The following NMRK2 variants were observed in gnomAD, a reference collection of about 807,000 sequenced individuals.
The protein encoded by NMRK2 is NRK 2.
NMRK2 carries 34 observed loss-of-function variants against 24.7 expected under a neutral mutation model. The ratio of observed to expected loss-of-function variants is 1.37; its 90% CI spans 1.05 to 1.83. The LOEUF is 1.83. Among genes scored for constraint, NMRK2 ranks in the 40% most tolerant of loss-of-function variants. The pLI, the probability that NMRK2 is intolerant of heterozygous loss-of-function variation, is 0.00. For synonymous variants in NMRK2, 145 were observed against 125.6 expected (o/e 1.15, Z -1.03); for missense variants, 341 against 315.0 (o/e 1.08, Z -0.62).
intron 2 of NMRK2, 37 bp from the exon 3 acceptor site, chr19:3,936,538 G>A (rs949017166): frequency 6.7e-7 from 1 of 1,482,194 alleles, no homozygotes; most frequent in Non-Finnish European, 9.0e-7. Context: ...TTCTTGGGGG[G>A]AGCCCAGGCA....
In NMRK2 at chr19:3,938,604, G is replaced by A; in HGVS notation, c.168G>A (p.Val56=). The A allele has an allele frequency of 1.3e-6, 2 of 1,580,200 alleles. No homozygotes were observed. Among genetic ancestry groups the A allele is most frequent in the Non-Finnish European group, 1.7e-6 (2 of 1,160,162 alleles). Residue 56 remains valine, a splice_region_variant and synonymous_variant, in exon 5 of 8, where the codon GTG becomes GTA. Transcript: ENST00000168977. ...VGEDGFKQWD[V]LESLDMEAML... is the part of the protein sequence containing the mutation. ...CAATGCCTGCTCCCCTTTCCCCAGT[G>A]CTGGAGTCTCTGGACATGGAGGCCA...
In NMRK2 at chr19:3,933,650, C is replaced by T. The variant is rs1366739877; in HGVS notation, c.-22C>T. ...TACCCGGGCTGCCTTGGAAGTCGTC[C>T]CCGCCGCCCCTCCGCACCGGCATGA... On this transcript the variant is annotated 5_prime_UTR_variant, in exon 2 of 8. Coordinates refer to ENST00000168977, the MANE Select transcript of NMRK2 (RefSeq NM_170678.3). The T allele has an allele frequency of 1.3e-6, 2 of 1,517,000 alleles. No individual in the cohort carries two copies. The highest frequency in any genetic ancestry group is 8.8e-7 in the Non-Finnish European group (1 of 1,134,092). The allele number at this position is 1,517,000 out of a possible 1,614,324, so 94.0% of individuals were successfully genotyped here. A position where few individuals can be genotyped will look rare whatever the true frequency, so the allele number is the denominator to read the frequency against.
At position 3,942,224 on chromosome 19, in the gene NMRK2, G is replaced by T. The variant is rs150621748; in HGVS notation, c.644G>T (p.Cys215Phe). 3.6e-5 allele frequency: 58 copies of T among 1,612,708 alleles called. No individual in the cohort carries two copies. The highest frequency in any genetic ancestry group is 3.3e-4 in the Middle Eastern group (2 of 6,050). The stretch of plus-strand genomic sequence containing the variant: ...AGGACACAGGGACCCGGACGCGGAT[G>T]CGGCCACAGAACGGCCAGGCCTGCA... ...PARTQGPGRGCGHRTARPAAS... is the reference protein window; with the variant it reads ...PARTQGPGRGFGHRTARPAAS... Residue 215 changes from cysteine to phenylalanine, a missense_variant, in exon 8 of 8, where the codon TGC becomes TTC. Transcript: ENST00000168977.
chr19:3,934,225 C>A (rs147657431), intron 2 of NMRK2, among the ~76,000 whole-genome samples: 1,724 of 151,962 alleles, frequency 0.011, 30 homozygotes, highest in African/African-American at 0.039. Flanking sequence ...CCAGCCTGGG[C>A]GACAGAGTGA....
At chr19:3,934,591 C>G (rs983908056) in intron 2 of NMRK2, among the ~76,000 whole-genome samples, 7 of 148,512 alleles carry the variant, frequency 4.7e-5, no homozygotes, top group African/African-American at 7.5e-5. Context: ...TTGTTGCCGT[C>G]GTAGTTTGAG....
chr19:3,933,694 G>A lies in NMRK2; in HGVS notation c.23G>A (p.Gly8Glu), dbSNP rs1432105160. Residue 8 changes from glycine to glutamate, a missense_variant, in exon 2 of 8, where the codon GGA (glycine) becomes GAA (glutamate). Transcript: ENST00000168977. MKLIVGI[G>E]GMTNGGKTTL... Reference sequence around the variant, plus strand: ...GGCATGAAGCTCATCGTGGGCATCGGAGGGTGAGCGCCGGGGGACCTGGTG... The same window carrying A: ...GGCATGAAGCTCATCGTGGGCATCGAAGGGTGAGCGCCGGGGGACCTGGTG... 8 of 1,462,660 alleles carry A rather than the reference G, an allele frequency of 5.5e-6. No homozygotes were observed. Among genetic ancestry groups the A allele is most frequent in the Admixed American group, 2.5e-5 (1 of 39,732 alleles). The allele number at this position is 1,462,660 out of a possible 1,614,324, so 90.6% of individuals were successfully genotyped here.
Position 3,941,186 on chromosome 19 carries a change from C to T in NMRK2, c.502+9C>T, listed in dbSNP as rs752685316. ...CAACGGTGTGGAAGTGGGTAAGCCC[C>T]TGAGCATGACCAGGCCTTGCCCCGG... On this transcript the variant is annotated intron_variant, in intron 7 of 7. Coordinates refer to ENST00000168977, the MANE Select transcript of NMRK2 (RefSeq NM_170678.3). The T allele has an allele frequency of 5.7e-6, 8 of 1,415,010 alleles. No homozygotes were observed. Among genetic ancestry groups the T allele is most frequent in the Non-Finnish European group, 6.8e-6 (7 of 1,027,124 alleles). The allele number at this position is 1,415,010 out of a possible 1,614,324, so 87.7% of individuals were successfully genotyped here. A position where few individuals can be genotyped will look rare whatever the true frequency, so the allele number is the denominator to read the frequency against.
intron 5 of NMRK2, 65 bp downstream of exon 5, chr19:3,938,824 TTTTTTTTTTTTTTTTTTTTGTTTTG>T: frequency 1.3e-5 from 5 of 378,856 alleles, no homozygotes; most frequent in African/African-American, 5.5e-5. Flanking sequence ...CATCTCTTGT[TTTTTTTTTTTTTTTTTTTTGTTTTG>T]TTTTTTTTTT....
At chr19:3,934,286 C>T (rs1487084146) in intron 2 of NMRK2, among the ~76,000 whole-genome samples, 1 of 152,112 alleles carries the variant, frequency 6.6e-6, no homozygotes, top group Non-Finnish European at 1.5e-5. Context: ...AACTAAAGCT[C>T]CAGTGAACCC....
chr19:3,941,930 C>T (rs1009414929), intron 7 of NMRK2, among the ~76,000 whole-genome samples, 153 bp from the exon 8 acceptor site: 10 of 152,092 alleles, frequency 6.6e-5, no homozygotes, highest in Non-Finnish European at 1.2e-4. Flanking sequence ...TGTGAGCCAC[C>T]GCGCCCGGCC....
At position 3,936,681 on chromosome 19, in the gene NMRK2, C is replaced by A; in HGVS notation, c.117+16C>A. On this transcript the variant is annotated intron_variant, in intron 3 of 7. Coordinates refer to ENST00000168977, the MANE Select transcript of NMRK2 (RefSeq NM_170678.3). The stretch of plus-strand genomic sequence containing the variant: ...CTTCTTCAAGGTGCCCGCCCTTGCC[C>A]GGGGAGGTGGAGCTGAGAGGGGATG... 6.5e-7 allele frequency: 1 copy of A among 1,545,282 alleles called. No individual in the cohort carries two copies. Among genetic ancestry groups the A allele is most frequent in the South Asian group, 1.2e-5 (1 of 83,218 alleles).
At chr19:3,936,539 A>C in intron 2 of NMRK2, 36 bp from the exon 3 acceptor site, 2 of 1,472,310 alleles carry the variant, frequency 1.4e-6, no homozygotes, top group Admixed American at 2.2e-5. Flanking sequence ...TCTTGGGGGG[A>C]GCCCAGGCAG....
chr19:3,939,979 TG>T lies in NMRK2; in HGVS notation c.395+10del. On this transcript the variant is annotated intron_variant, in intron 6 of 7. Transcript: ENST00000168977. ...GTGCAAGTGGAGGAGAAGGTGCACT[TG>T]GTGTCTGGGGGTGCGGTGGGCTCCT... 15 of 1,610,210 alleles carry T rather than the reference TG, an allele frequency of 9.3e-6. No individual in the cohort carries two copies. The highest frequency in any genetic ancestry group is 1.3e-5 in the Non-Finnish European group (15 of 1,176,894).
At chr19:3,934,544 G>C (rs1051010792) in intron 2 of NMRK2, among the ~76,000 whole-genome samples, 2 of 95,918 alleles carry the variant, frequency 2.1e-5, no homozygotes, top group African/African-American at 7.4e-5. Context: ...CATATTTTTT[G>C]TTTTTTGGGG....
At position 3,941,288 on chromosome 19, in the gene NMRK2, C is replaced by T. The variant is rs191710653; in HGVS notation, c.502+111C>T. The T allele has an allele frequency of 3.1e-3, 1,876 of 609,248 alleles. 36 individuals are homozygous for T. In the African/African-American group the frequency reaches 0.033, roughly 11 times the overall value. 37.7% of individuals were successfully genotyped at this position (609,248 alleles called of 1,614,324 possible). A position where few individuals can be genotyped will look rare whatever the true frequency, so the allele number is the denominator to read the frequency against. On this transcript the variant is annotated intron_variant, in intron 7 of 7. Transcript: ENST00000168977. ...TTTTCAAGACAGAGTCTCACTCTGT[C>T]ACCCAGGCTGGAGTACAGTGGCACG...
Position 3,940,734 on chromosome 19 carries a change from CA to C in NMRK2, c.396-318del, listed in dbSNP as rs752138779. On this transcript the variant is annotated intron_variant, in intron 6 of 7. Transcript: ENST00000168977. Reference sequence around the variant, plus strand: ...TGGGCAACAGAGCGAGATTCCATCTCAAAAAAAAAAAAAAAAAAAGAGAAAA... The same window carrying C: ...TGGGCAACAGAGCGAGATTCCATCTCAAAAAAAAAAAAAAAAAAGAGAAAA... Among the ~76,000 whole-genome samples the C allele has an allele frequency of 9.1e-3, 676 of 74,360 alleles. 1 individual carries two copies. Among genetic ancestry groups the C allele is most frequent in the African/African-American group, 0.027 (562 of 20,900 alleles). 48.8% of individuals were successfully genotyped at this position (74,360 alleles called of 152,430 possible). A position where few individuals can be genotyped will look rare whatever the true frequency, so the allele number is the denominator to read the frequency against.
intron 2 of NMRK2, among the ~76,000 whole-genome samples, chr19:3,934,295 C>T (rs2039173300): frequency 6.6e-6 from 1 of 152,054 alleles, no homozygotes; most frequent in Non-Finnish European, 1.5e-5. Flanking sequence ...TCCAGTGAAC[C>T]CTCCTCCCGC....
chr19:3,935,286 C>T (rs930030555), intron 2 of NMRK2, among the ~76,000 whole-genome samples: 3 of 129,620 alleles, frequency 2.3e-5, no homozygotes, highest in East Asian at 2.3e-4. Context: ...GACAAAATCT[C>T]GTTCTGTCAC....
chr19:3,938,805 GGGT>G, intron 5 of NMRK2, 46 bp downstream of exon 5: 1 of 1,157,282 alleles, frequency 8.6e-7, no homozygotes, highest in Non-Finnish European at 1.2e-6. Context: ...CTCTCTGGGC[GGGT>G]ATAGCCATCT....
Sources: gnomAD v4.1 joint callset for allele counts (sites outside exome capture counted in the v4.1 genomes callset) on GRCh38, gnomAD v4.1.1 for gene constraint, MANE v1.5 for transcripts, NCBI Gene and HGNC (gene_info 2026-07-23, HGNC 2026-07-21) for gene names.